The following COPA variants were observed in gnomAD, a reference collection of about 807,000 sequenced individuals.
COPA encodes the protein coatomer subunit alpha.
In COPA, 10 loss-of-function variants were observed where a neutral mutation model predicts 158.7. That is an observed-to-expected ratio of 0.06 (90% CI 0.04 to 0.11). The LOEUF (loss-of-function observed/expected upper bound fraction) is 0.11. Ranked by LOEUF, COPA falls within the 10% of genes least tolerant of loss-of-function variation. The pLI is 1.00. For synonymous variants in COPA, 462 were observed against 542.8 expected, an observed-to-expected ratio of 0.85 and a Z score of 2.07; for missense variants, 1,065 against 1,536.7, an observed-to-expected ratio of 0.69 and a Z score of 5.13.
At chr1:160,337,082 T>C (rs1017438398) in intron 3 of COPA, among the ~76,000 whole-genome samples, 3 of 152,232 alleles carry the variant, frequency 2.0e-5, no homozygotes, top group Non-Finnish European at 4.4e-5. Flanking sequence ...ACATAAAAAT[T>C]AGACCATACC....
chr1:160,318,219 T>G (rs1199514005), intron 8 of COPA, among the ~76,000 whole-genome samples: 1 of 152,006 alleles, frequency 6.6e-6, no homozygotes, highest in Non-Finnish European at 1.5e-5. Flanking sequence ...AGATAACTGA[T>G]AAGGAGAGAG....
chr1:160,339,258 C>T lies in COPA; in HGVS notation c.228+651G>A, dbSNP rs560469760. 5.4e-5 allele frequency among the ~76,000 whole-genome samples: 8 copies of T among 146,810 alleles called. No individual in the cohort carries two copies. In the East Asian group the frequency reaches 1.4e-3, roughly 26 times the overall value. ...TCCATTTCAAATGCTACTACCTAAGCTCAGGTTTCCTAACTGGTATTTTTG... is the reference window on the plus strand; with the variant it reads ...TCCATTTCAAATGCTACTACCTAAGTTCAGGTTTCCTAACTGGTATTTTTG... On this transcript the variant is annotated intron_variant, in intron 3 of 32. Transcript: ENST00000241704.
At position 160,314,101 on chromosome 1, in the gene COPA, G is replaced by T; in HGVS notation, c.731C>A (p.Thr244Asn). 1 of 1,613,514 alleles carries T rather than the reference G, an allele frequency of 6.2e-7. No individual in the cohort carries two copies. The highest frequency in any genetic ancestry group is 8.5e-7 in the Non-Finnish European group (1 of 1,179,814). The change falls in exon 9 of 33, where the codon ACC (threonine) becomes AAC (asparagine). Residue 244 changes from threonine (T) to asparagine (N), a missense_variant. Physicochemically the swap from Thr to Asn is moderately conservative, Grantham distance 65. This residue lies in a region of COPA where 980 missense variants were observed against 1,357.8 expected (regional missense o/e 0.72). Coordinates refer to ENST00000241704, the MANE Select transcript of COPA (RefSeq NM_004371.4). ...TACATTGTTGTAATGGCCCCGGCAG[G>T]TATCAACCTCCCATGCCTTTGATTC... is the stretch of plus-strand genomic sequence containing the variant. ...MNESKAWEVD[T>N]CRGHYNNVSC...
At chr1:160,319,568 C>T (rs1041399476) in intron 8 of COPA, among the ~76,000 whole-genome samples, 5 of 150,120 alleles carry the variant, frequency 3.3e-5, no homozygotes, top group African/African-American at 4.9e-5. Flanking sequence ...TTTCACCCAA[C>T]GGCTACAGAA....
chr1:160,335,448 T>C lies in COPA; in HGVS notation c.229-126A>G, dbSNP rs77682170. ...TATAGATTTATATACATTATTTGTATTTTGGCATTTCTAAATAGGTAGGAA... is the reference window on the plus strand; with the variant it reads ...TATAGATTTATATACATTATTTGTACTTTGGCATTTCTAAATAGGTAGGAA... On this transcript the variant is annotated intron_variant, in intron 3 of 32. Coordinates refer to ENST00000241704, the MANE Select transcript of COPA (RefSeq NM_004371.4). The C allele has an allele frequency of 3.8e-4, 252 of 662,952 alleles. 1 individual carries two copies. The East Asian group carries it at 7.5e-3, about 20-fold the overall frequency. 41.1% of individuals were successfully genotyped at this position (662,952 alleles called of 1,614,324 possible).
At position 160,289,954 on chromosome 1, in the gene COPA, C is replaced by T. The variant is rs1250830608; in HGVS notation, c.*203G>A. 2 of 594,976 alleles carry T rather than the reference C, an allele frequency of 3.4e-6. No individual in the cohort carries two copies. Among genetic ancestry groups the T allele is most frequent in the African/African-American group, 3.8e-5 (2 of 53,296 alleles). 36.9% of individuals were successfully genotyped at this position (594,976 alleles called of 1,614,324 possible). ...AAGGCAAGGACAATTATGAGCACAA[C>T]TGTAGTCAAGTTGAGAAGACCTCAA... On this transcript the variant is annotated 3_prime_UTR_variant, in exon 33 of 33. Coordinates refer to ENST00000241704, the MANE Select transcript of COPA (RefSeq NM_004371.4).
In COPA at chr1:160,288,719, A is replaced by C. The variant is rs1305295867; in HGVS notation, c.*1438T>G. Among the ~76,000 whole-genome samples the C allele has an allele frequency of 6.6e-6, 1 of 152,234 alleles. No individual in the cohort carries two copies. The highest frequency in any genetic ancestry group is 2.4e-5 in the African/African-American group (1 of 41,458). On this transcript the variant is annotated 3_prime_UTR_variant, in exon 33 of 33. Coordinates refer to ENST00000241704, the MANE Select transcript of COPA (RefSeq NM_004371.4). Reference sequence around the variant, plus strand: ...CAATTATTCTTAGCATATGACAAGCAAAATATTGTATTGTTAATGTAATCA... The same window carrying C: ...CAATTATTCTTAGCATATGACAAGCCAAATATTGTATTGTTAATGTAATCA...
rs940862383 is a variant in COPA, at chr1:160,292,158, G to A, written c.3001C>T (p.Leu1001=). 6.2e-7 allele frequency: 1 copy of A among 1,613,752 alleles called. No individual in the cohort carries two copies. The highest frequency in any genetic ancestry group is 1.3e-5 in the African/African-American group (1 of 75,034). The change falls in exon 29 of 33, where the codon CTG becomes TTG. Residue 1001 remains leucine, a synonymous_variant. Transcript: ENST00000241704. The part of the protein sequence containing the change: ...GLKNGVPAVG[L]KLNDLIQRLQ... ...CGTTGGATGAGGTCATTAAGCTTCAGGCCCACAGCTGGTACACCATTCTTC... is the reference window on the plus strand; with the variant it reads ...CGTTGGATGAGGTCATTAAGCTTCAAGCCCACAGCTGGTACACCATTCTTC...
chr1:160,326,486 G>A (rs10908773), intron 6 of COPA, among the ~76,000 whole-genome samples: 9,081 of 152,184 alleles, frequency 0.06, 361 homozygotes, highest in East Asian at 0.13. Flanking sequence ...CCATGATGGC[G>A]CCACTGCACT....
chr1:160,312,424 T>C (rs1658996683), intron 10 of COPA, among the ~76,000 whole-genome samples: 3 of 152,332 alleles, frequency 2.0e-5, no homozygotes, highest in South Asian at 4.1e-4. Flanking sequence ...AAGTATTTAC[T>C]GAAAAAATGG....
At chr1:160,301,582 G>A (rs1658605013) in intron 17 of COPA, among the ~76,000 whole-genome samples, 1 of 152,054 alleles carries the variant, frequency 6.6e-6, no homozygotes, top group Non-Finnish European at 1.5e-5. Flanking sequence ...AGACCAGCCT[G>A]AGCAACATGG....
chr1:160,294,419 A>G, intron 25 of COPA, 65 bp downstream of exon 25: 1 of 1,398,698 alleles, frequency 7.1e-7, no homozygotes, highest in Non-Finnish European at 1.0e-6. Flanking sequence ...GTAGGGGACA[A>G]TAAGGCCTCT....
intron 3 of COPA, among the ~76,000 whole-genome samples, 165 bp from the exon 4 acceptor site, chr1:160,335,487 C>T (rs1018415736): frequency 1.3e-5 from 2 of 151,872 alleles, no homozygotes; most frequent in African/African-American, 2.4e-5. Context: ...TGGTAGAAAG[C>T]CTTGTTTAAG....
intron 8 of COPA, 99 bp downstream of exon 8, chr1:160,323,332 T>A: frequency 2.6e-6 from 2 of 762,072 alleles, no homozygotes; most frequent in Non-Finnish European, 4.0e-6. Flanking sequence ...ATTAATCACC[T>A]AAGGTAGAAA....
rs2101845599 is a variant in COPA, at chr1:160,312,933, A to G, written c.925+152T>C. 5.9e-6 allele frequency: 4 copies of G among 672,560 alleles called. No homozygotes were observed. In the South Asian group the frequency reaches 8.8e-5, roughly 15 times the overall value. The allele number at this position is 672,560 out of a possible 1,614,324, so 41.7% of individuals were successfully genotyped here. A position where few individuals can be genotyped will look rare whatever the true frequency, so the allele number is the denominator to read the frequency against. ...TTTACGTACATATAAAGTGGAAGAAAAAAAGGAGAAAAGCTTCAACTAAGT... is the reference window on the plus strand; with the variant it reads ...TTTACGTACATATAAAGTGGAAGAAGAAAAGGAGAAAAGCTTCAACTAAGT... On this transcript the variant is annotated intron_variant, in intron 10 of 32. Transcript: ENST00000241704.
Position 160,299,165 on chromosome 1 carries a change from T to C in COPA, c.1767A>G (p.Val589=), listed in dbSNP as rs1351815135. 1.2e-6 allele frequency: 2 copies of C among 1,614,054 alleles called. No individual in the cohort carries two copies. The highest frequency in any genetic ancestry group is 2.7e-5 in the African/African-American group (2 of 74,912). ...TGAACTCAGTGGGATCAATGGTGAG[T>C]ACCCGGGGACGACACTCCCTGTCTA... ...YCLDRECRPR[V]LTIDPTEFKF... The change falls in exon 18 of 33, where the codon GTA becomes GTG. Residue 589 remains valine, a synonymous_variant. Transcript: ENST00000241704.
At chr1:160,309,504 T>A (rs1158770253) in intron 12 of COPA, among the ~76,000 whole-genome samples, 2 of 149,986 alleles carry the variant, frequency 1.3e-5, no homozygotes, top group East Asian at 1.9e-4. Flanking sequence ...TGAGGACTCA[T>A]CAACTGAGTA....
intron 19 of COPA, 108 bp from the exon 20 acceptor site, chr1:160,297,853 T>C (rs1658464417): frequency 2.7e-6 from 3 of 1,126,530 alleles, no homozygotes; most frequent in Admixed American, 5.1e-5. Context: ...GAACTTCCTA[T>C]ACTTTCAATT....
rs894066716 is a variant in COPA at position 160,343,121 on chromosome 1, T to C, written c.40+10A>G. 1 of 1,613,980 alleles carries C rather than the reference T, an allele frequency of 6.2e-7. No homozygotes were observed. The stretch of plus-strand genomic sequence containing the variant: ...CCAACCTCCATGTTCCCCCTTTTAT[T>C]CTCCACTACCTTTGACCCGCGCGCT... On this transcript the variant is annotated intron_variant, in intron 1 of 32. Coordinates refer to ENST00000241704, the MANE Select transcript of COPA (RefSeq NM_004371.4).
Sources: allele counts gnomAD v4.1 joint callset (sites outside exome capture counted in the v4.1 genomes callset), GRCh38; gene constraint gnomAD v4.1.1; regional missense constraint gnomAD v4.1.1; transcripts MANE v1.5; gene names NCBI Gene and HGNC (gene_info 2026-07-23, HGNC 2026-07-21).